ZNF346: variants seen among roughly 807,000 people sequenced by gnomAD.
The protein encoded by ZNF346 is zinc finger protein 346, also known as double-stranded RNA-binding zinc finger protein JAZ.
Under a neutral mutation model 33.7 loss-of-function variants are expected in ZNF346, and 23 were observed. The observed-to-expected ratio is 0.68, with a 90% CI of 0.49 to 0.97. The LOEUF is 0.97. ZNF346 is among the 50% of genes least tolerant of loss of function. The pLI is 0.00. For synonymous variants in ZNF346, 134 were observed against 142.4 expected, an observed-to-expected ratio of 0.94 and a Z score of 0.42; for missense variants, 340 against 371.1, an observed-to-expected ratio of 0.92 and a Z score of 0.69.
At chr5:177,024,532 C>G (rs768385326) in intron 1 of ZNF346, among the ~76,000 whole-genome samples, 1 of 152,084 alleles carries the variant, frequency 6.6e-6, no homozygotes, top group Non-Finnish European at 1.5e-5. Context: ...AGTTTCCTCC[C>G]CTACCCCAAT....
chr5:177,068,748 T>G (rs1783353993), downstream of ZNF346, among the ~76,000 whole-genome samples: 1 of 142,112 alleles, frequency 7.0e-6, no homozygotes, highest in Admixed American at 6.8e-5. Context: ...AGAAGAAGGT[T>G]GTAGGGCTCT....
chr5:177,029,024 A>G (rs1291754206), intron 1 of ZNF346, among the ~76,000 whole-genome samples: 1 of 151,868 alleles, frequency 6.6e-6, no homozygotes, highest in Non-Finnish European at 1.5e-5. Flanking sequence ...CGGCCATATA[A>G]CAAGCCCCTT....
chr5:177,064,879 A>C lies in ZNF346; in HGVS notation c.*280A>C. On this transcript the variant is annotated 3_prime_UTR_variant, in exon 7 of 7. Coordinates refer to ENST00000358149, the MANE Select transcript of ZNF346 (RefSeq NM_012279.4). ...GGAGGGTGGCTTTCCCCATTTCCCA[A>C]CCCCTCTGGGCCTTAGGTGCTGAGG... 1 of 416,876 alleles carries C rather than the reference A, an allele frequency of 2.4e-6. No homozygotes were observed. The highest frequency in any genetic ancestry group is 3.6e-5 in the South Asian group (1 of 28,106). The allele number at this position is 416,876 out of a possible 1,614,324, so 25.8% of individuals were successfully genotyped here. A position where few individuals can be genotyped will look rare whatever the true frequency, so the allele number is the denominator to read the frequency against.
intron 1 of ZNF346, among the ~76,000 whole-genome samples, chr5:177,025,856 C>T (rs1776685456): frequency 6.6e-6 from 1 of 152,064 alleles, no homozygotes; most frequent in African/African-American, 2.4e-5. Context: ...TTTTGAAGCA[C>T]AAAAGTTTTA....
exon 9 of ZNF346, chr5:177,080,217 A>G (rs1016237593): frequency 2.6e-5 from 4 of 152,246 alleles, no homozygotes; most frequent in African/African-American, 9.6e-5. Context: ...AGAATTGAGG[A>G]CGGGTGGGAA....
chr5:177,075,272 G>A (rs1405279795), intron 8 of ZNF346, among the ~76,000 whole-genome samples: 1 of 151,648 alleles, frequency 6.6e-6, no homozygotes, highest in Non-Finnish European at 1.5e-5. Flanking sequence ...GCATGGTGGT[G>A]GGTGCCTGTA....
rs776798772 is a variant in ZNF346, at chr5:177,041,879, G to A, written c.372+9G>A. 1 of 1,590,330 alleles carries A rather than the reference G, an allele frequency of 6.3e-7. No homozygotes were observed. The highest frequency in any genetic ancestry group is 8.6e-7 in the Non-Finnish European group (1 of 1,160,968). The stretch of plus-strand genomic sequence containing the variant: ...AGCTAGACTCAGATCAGGTAATACA[G>A]CTGCCATATTGAGCCCACTTGCTTC... On this transcript the variant is annotated intron_variant, in intron 3 of 6. Transcript: ENST00000358149.
chr5:177,030,088 T>TGAG (rs1159695190), intron 1 of ZNF346, among the ~76,000 whole-genome samples: 4 of 152,206 alleles, frequency 2.6e-5, no homozygotes, highest in Admixed American at 2.6e-4. Context: ...TAGGATAAAC[T>TGAG]GAGTTTTTTT....
chr5:177,073,167 C>T (rs1212343327), intron 8 of ZNF346, among the ~76,000 whole-genome samples: 2 of 152,196 alleles, frequency 1.3e-5, no homozygotes, highest in Non-Finnish European at 2.9e-5. Flanking sequence ...TCTTATGATA[C>T]TGCATCCCTG....
chr5:177,045,411 G>C (rs1294354691), intron 4 of ZNF346, among the ~76,000 whole-genome samples: 2 of 151,832 alleles, frequency 1.3e-5, no homozygotes, highest in Non-Finnish European at 2.9e-5. Context: ...TTAGAGTGCA[G>C]TGGCATGATC....
intron 4 of ZNF346, among the ~76,000 whole-genome samples, chr5:177,048,610 A>C (rs1780418662): frequency 6.6e-6 from 1 of 152,142 alleles, no homozygotes; most frequent in African/African-American, 2.4e-5. Flanking sequence ...AACAAGAGCA[A>C]AACTCCATCT....
intron 1 of ZNF346, among the ~76,000 whole-genome samples, chr5:177,039,090 CA>C (rs1318138784): frequency 3.3e-5 from 5 of 151,794 alleles, no homozygotes; most frequent in African/African-American, 1.2e-4. Flanking sequence ...GGGGTTTTAC[CA>C]TGTTGGCCAG....
At chr5:177,073,948 C>T (rs944133884) in intron 8 of ZNF346, among the ~76,000 whole-genome samples, 3 of 152,060 alleles carry the variant, frequency 2.0e-5, no homozygotes, top group African/African-American at 7.2e-5. Flanking sequence ...GCTCATGCAG[C>T]TTCCGTTCCT....
rs549658755 is a variant in ZNF346 at position 177,032,154 on chromosome 5, C to T, written c.176-8972C>T. Among the ~76,000 whole-genome samples, 3 of 151,500 alleles carry T rather than the reference C, an allele frequency of 2.0e-5. No individual in the cohort carries two copies. The East Asian group carries it at 5.9e-4, about 30-fold the overall frequency. ...AGTAACTGGGATTATAGGTATGCGC[C>T]ACCACACCTGGCTAATTTTTTGTGT... On this transcript the variant is annotated intron_variant, in intron 1 of 6. Transcript: ENST00000358149.
intron 1 of ZNF346, among the ~76,000 whole-genome samples, chr5:177,032,653 C>T (rs1053081603): frequency 1.1e-4 from 16 of 152,116 alleles, no homozygotes; most frequent in African/African-American, 1.7e-4. Context: ...TCAGGTGATC[C>T]GCCCGCCTCG....
chr5:177,060,174 G>A (rs973977807), intron 5 of ZNF346, among the ~76,000 whole-genome samples: 12 of 152,134 alleles, frequency 7.9e-5, no homozygotes, highest in Non-Finnish European at 1.5e-4. Context: ...AGGAGGTTTG[G>A]AGCCTGGGCA....
At chr5:177,061,888 C>G (rs952301256) in intron 5 of ZNF346, among the ~76,000 whole-genome samples, 170 bp from the exon 6 acceptor site, 1 of 152,194 alleles carries the variant, frequency 6.6e-6, no homozygotes, top group African/African-American at 2.4e-5. Flanking sequence ...CACATAGGCA[C>G]ACAGTCTGTG....
At position 177,062,151 on chromosome 5, in the gene ZNF346, A is replaced by C. The variant is rs1191367549; in HGVS notation, c.797A>C (p.Gln266Pro). ...AHVSGFKHKNQSPKTVASSLG... is the reference protein window; with the variant it reads ...AHVSGFKHKNPSPKTVASSLG... ...GTCAGCGGCTTCAAACACAAGAACC[A>C]GTAAGTAACCATTTTTTGAAATTCT... The change falls in exon 6 of 7, where the codon CAG becomes CCG. Residue 266 changes from glutamine to proline, a missense_variant and splice_region_variant. Gln to Pro is a moderately conservative substitution (Grantham distance 76, BLOSUM62 -1). Transcript: ENST00000358149. 7 of 1,613,554 alleles carry C rather than the reference A, an allele frequency of 4.3e-6. No homozygotes were observed. The African/African-American group carries it at 8.0e-5, about 18-fold the overall frequency.
At chr5:177,038,369 T>C (rs972421674) in intron 1 of ZNF346, among the ~76,000 whole-genome samples, 19 of 150,906 alleles carry the variant, frequency 1.3e-4, no homozygotes, top group African/African-American at 4.4e-4. Flanking sequence ...TGCCTCAGCC[T>C]GTTGAGTTTC....
Sources: gnomAD v4.1 joint callset for allele counts (sites outside exome capture counted in the v4.1 genomes callset) on GRCh38, gnomAD v4.1.1 for gene constraint, MANE v1.5 for transcripts, NCBI Gene and HGNC (gene_info 2026-07-23, HGNC 2026-07-21) for gene names.